LPP: variants seen among roughly 807,000 people sequenced by gnomAD.
LPP encodes LIM domain containing preferred translocation partner in lipoma.
A neutral mutation model predicts 60.4 loss-of-function variants in LPP; 38 were observed. The ratio of observed to expected loss-of-function variants is 0.63; its 90% CI spans 0.49 to 0.83. The LOEUF (loss-of-function observed/expected upper bound fraction) is 0.83. LPP is among the 40% of genes least tolerant of loss of function. The pLI, the probability that LPP is intolerant of heterozygous loss-of-function variation, is 0.00. For missense variants in LPP, 902 were observed against 783.6 expected (o/e 1.15, Z -1.80); for synonymous variants, 328 against 290.8 (o/e 1.13, Z -1.30).
intron 7 of LPP, among the ~76,000 whole-genome samples, chr3:188,682,873 G>C (rs879598650): frequency 2.0e-5 from 3 of 152,146 alleles, no homozygotes; most frequent in Admixed American, 2.0e-4. Flanking sequence ...ATGCACACAG[G>C]AAACTAGGGA....
intron 6 of LPP, among the ~76,000 whole-genome samples, chr3:188,528,402 A>G (rs1335636835): frequency 2.0e-5 from 3 of 151,710 alleles, no homozygotes; most frequent in African/African-American, 7.3e-5. Context: ...AATCCTTATA[A>G]CCTAATAGAC....
At chr3:188,167,981 T>C (rs987096739) in intron 1 of LPP, among the ~76,000 whole-genome samples, 12 of 152,244 alleles carry the variant, frequency 7.9e-5, no homozygotes, top group Non-Finnish European at 1.5e-5. Context: ...CAAGTAGTGG[T>C]TTATTGTTTG....
At chr3:188,704,042 A>T (rs1322712302) in intron 7 of LPP, among the ~76,000 whole-genome samples, 1 of 152,178 alleles carries the variant, frequency 6.6e-6, no homozygotes, top group Non-Finnish European at 1.5e-5. Context: ...TAATTAAAAC[A>T]ACTTGCACCA....
intron 5 of LPP, among the ~76,000 whole-genome samples, chr3:188,507,679 C>T (rs908010553): frequency 5.9e-5 from 9 of 151,962 alleles, no homozygotes; most frequent in Admixed American, 2.6e-4. Context: ...GGATGGGTGG[C>T]GGAGGTGGGG....
At chr3:188,574,453 T>C (rs1834162266) in intron 6 of LPP, among the ~76,000 whole-genome samples, 1 of 152,130 alleles carries the variant, frequency 6.6e-6, no homozygotes, top group African/African-American at 2.4e-5. Context: ...AACATAACAG[T>C]TTTTATAGAG....
In LPP at chr3:188,250,716, TTCTTTCTC is replaced by T. The variant is rs1385639420; in HGVS notation, c.-67+25197_-67+25204del. ...CTCTCTCTTTTCCTCTTTCTTTTCT[TTCTTTCTC>T]TCTTTCTTTCTTTCTTTCTTTCTTT... is the stretch of plus-strand genomic sequence containing the variant. On this transcript the variant is annotated intron_variant, in intron 2 of 11. Coordinates refer to ENST00000617246, the MANE Select transcript of LPP (RefSeq NM_001375462.1). Among the ~76,000 whole-genome samples, 50 of 145,488 alleles carry T rather than the reference TTCTTTCTC, an allele frequency of 3.4e-4. 1 individual carries two copies. Among genetic ancestry groups the T allele is most frequent in the African/African-American group, 1.1e-3 (41 of 38,954 alleles).
chr3:188,309,673 T>G (rs1752760202), intron 2 of LPP, among the ~76,000 whole-genome samples: 1 of 152,140 alleles, frequency 6.6e-6, no homozygotes, highest in African/African-American at 2.4e-5. Flanking sequence ...TTCGATAAAA[T>G]AGGTTTAAAT....
At chr3:188,307,938 AGT>A (rs373759377) in intron 2 of LPP, among the ~76,000 whole-genome samples, 3 of 151,912 alleles carry the variant, frequency 2.0e-5, no homozygotes, top group East Asian at 1.9e-4. Flanking sequence ...CTGGGGTGTA[AGT>A]GTGTGTGTGT....
intron 9 of LPP, among the ~76,000 whole-genome samples, chr3:188,780,791 T>C (rs1435802288): frequency 6.6e-6 from 1 of 152,190 alleles, no homozygotes; most frequent in East Asian, 1.9e-4. Flanking sequence ...CAGCCCACTG[T>C]CCCTTTCAGA....
chr3:188,379,626 G>A (rs962594822), intron 3 of LPP, among the ~76,000 whole-genome samples: 3 of 152,148 alleles, frequency 2.0e-5, no homozygotes, highest in Admixed American at 6.5e-5. Flanking sequence ...TATAATCTGT[G>A]AAGTTGCCCA....
At chr3:188,345,021 G>A (rs1351998994) in intron 3 of LPP, among the ~76,000 whole-genome samples, 1 of 152,188 alleles carries the variant, frequency 6.6e-6, no homozygotes, top group Non-Finnish European at 1.5e-5. Flanking sequence ...ACTTCACGAA[G>A]TAATCTAAAC....
intron 10 of LPP, among the ~76,000 whole-genome samples, chr3:188,868,394 C>T (rs1052298433): frequency 1.3e-5 from 2 of 152,144 alleles, no homozygotes; most frequent in Admixed American, 6.5e-5. Flanking sequence ...CTGATGACAT[C>T]AGTTTGTGGG....
intron 8 of LPP, among the ~76,000 whole-genome samples, chr3:188,722,434 T>C (rs1332325764): frequency 2.6e-5 from 4 of 152,200 alleles, no homozygotes; most frequent in African/African-American, 9.7e-5. Flanking sequence ...TCATCTTTTG[T>C]CAGATAGCTT....
At chr3:188,823,549 A>G (rs2151478951) in intron 9 of LPP, among the ~76,000 whole-genome samples, 1 of 152,332 alleles carries the variant, frequency 6.6e-6, no homozygotes, top group South Asian at 2.1e-4. Context: ...AAAACAAATG[A>G]AAATGTTTCG....
intron 4 of LPP, among the ~76,000 whole-genome samples, chr3:188,447,780 GA>G (rs562631519): frequency 2.3e-4 from 33 of 145,994 alleles, no homozygotes; most frequent in African/African-American, 4.5e-4. Flanking sequence ...CATCTTAGAA[GA>G]AAAAAAAAAG....
chr3:188,246,167 G>A (rs116829135), intron 2 of LPP, among the ~76,000 whole-genome samples: 1,802 of 151,766 alleles, frequency 0.012, 27 homozygotes, highest in African/African-American at 0.042. Context: ...TGAGGTTATT[G>A]AACTAGATGC....
At chr3:188,305,624 G>A (rs1751278179) in intron 2 of LPP, among the ~76,000 whole-genome samples, 2 of 152,142 alleles carry the variant, frequency 1.3e-5, no homozygotes, top group Admixed American at 6.5e-5. Flanking sequence ...CACACGCAAA[G>A]TGATTTGTTT....
At chr3:188,541,575 A>T (rs1031466798) in intron 6 of LPP, among the ~76,000 whole-genome samples, 13 of 151,672 alleles carry the variant, frequency 8.6e-5, no homozygotes, top group South Asian at 8.3e-4. Flanking sequence ...AAAAGTAAAG[A>T]TTTGTACCTG....
chr3:188,734,126 A>T (rs1052167470), intron 8 of LPP, among the ~76,000 whole-genome samples: 2 of 152,058 alleles, frequency 1.3e-5, no homozygotes, highest in African/African-American at 4.8e-5. Context: ...GTTCATTTAT[A>T]TTTCTCTGTC....
Sources: gnomAD v4.1 joint callset for allele counts (sites outside exome capture counted in the v4.1 genomes callset) on GRCh38, gnomAD v4.1.1 for gene constraint, MANE v1.5 for transcripts, NCBI Gene and HGNC (gene_info 2026-07-23, HGNC 2026-07-21) for gene names.